PLOD1: variants seen among roughly 807,000 people sequenced by gnomAD.
PLOD1 encodes procollagen-lysine,2-oxoglutarate 5-dioxygenase 1.
In PLOD1, 70 loss-of-function variants were observed where a neutral mutation model predicts 94.7. The ratio of observed to expected loss-of-function variants is 0.74; its 90% CI spans 0.61 to 0.90. The LOEUF is 0.90. Among genes scored for constraint, PLOD1 ranks in the 40% least tolerant of loss-of-function variants. The probability of loss-of-function intolerance (pLI) is 0.00; values close to 1 mark genes in which losing one functional copy is unlikely to be tolerated. For missense variants in PLOD1, 905 were observed against 972.7 expected, an observed-to-expected ratio of 0.93 and a Z score of 0.93; for synonymous variants, 417 against 400.2, an observed-to-expected ratio of 1.04 and a Z score of -0.50.
At chr1:11,962,274 CTT>C (rs780613164) in intron 10 of PLOD1, among the ~76,000 whole-genome samples, 2 of 99,084 alleles carry the variant, frequency 2.0e-5, no homozygotes, top group Admixed American at 2.3e-4. Context: ...TTTTTGTTTT[CTT>C]TTTTTTTTTT....
At chr1:11,964,524 T>C in intron 12 of PLOD1, 120 bp from the exon 13 acceptor site, 2 of 1,043,314 alleles carry the variant, frequency 1.9e-6, no homozygotes, top group Non-Finnish European at 3.0e-6. Context: ...CCCCCTAGCC[T>C]GTGACTTCCC....
chr1:11,966,845 CTCAG>C, intron 15 of PLOD1, 138 bp from the exon 16 acceptor site: 2 of 696,322 alleles, frequency 2.9e-6, no homozygotes, highest in South Asian at 3.2e-5. Context: ...CTCCTCCCCA[CTCAG>C]TCTCTCCAGG....
At chr1:11,949,973 G>A (rs1645687888) in intron 3 of PLOD1, 67 bp downstream of exon 3, 3 of 1,537,824 alleles carry the variant, frequency 2.0e-6, no homozygotes, top group Non-Finnish European at 2.7e-6. Context: ...CTAAAATGAG[G>A]CCCTCCCAGA....
chr1:11,970,591 G>A, intron 16 of PLOD1, 79 bp from the exon 17 acceptor site: 2 of 1,347,602 alleles, frequency 1.5e-6, no homozygotes, highest in South Asian at 2.4e-5. Context: ...TCACATTCCC[G>A]GGTGTAGGAG....
At chr1:11,944,981 C>T (rs1173381469) in intron 1 of PLOD1, among the ~76,000 whole-genome samples, 1 of 152,198 alleles carries the variant, frequency 6.6e-6, no homozygotes, top group African/African-American at 2.4e-5. Context: ...TAAGACTCAC[C>T]CAGGGAAACA....
At chr1:11,970,959 G>A in intron 17 of PLOD1, 143 bp downstream of exon 17, 1 of 428,356 alleles carries the variant, frequency 2.3e-6, no homozygotes, top group South Asian at 1.9e-5. Context: ...AGCGTGGGAG[G>A]GGCAAGGGTG....
Position 11,970,709 on chromosome 1 carries a change from A to G in PLOD1, c.1795A>G (p.Ile599Val). ...IQGGYENVPT[I>V]DIHMNQIGFE... The stretch of plus-strand genomic sequence containing the variant: ...GGGTGGCTACGAGAACGTGCCGACT[A>G]TTGACATCCACATGAACCAGATCGG... Residue 599 changes from isoleucine (I) to valine (V), a missense_variant, in exon 17 of 19, where the codon ATT becomes GTT. Physicochemically the swap from Ile to Val is conservative, Grantham distance 29. Coordinates refer to ENST00000196061, the MANE Select transcript of PLOD1 (RefSeq NM_000302.4). 1 of 1,613,054 alleles carries G rather than the reference A, an allele frequency of 6.2e-7. No homozygotes were observed. Among genetic ancestry groups the G allele is most frequent in the Non-Finnish European group, 8.5e-7 (1 of 1,179,898 alleles).
chr1:11,939,565 C>T (rs959244027), intron 1 of PLOD1, among the ~76,000 whole-genome samples: 27 of 152,110 alleles, frequency 1.8e-4, no homozygotes, highest in African/African-American at 6.0e-4. Context: ...TCATCACATA[C>T]GCACACCCCA....
At position 11,964,185 on chromosome 1, in the gene PLOD1, G is replaced by T. The variant is rs1645799206; in HGVS notation, c.1213G>T (p.Ala405Ser). The T allele has an allele frequency of 3.1e-6, 5 of 1,613,780 alleles. No individual in the cohort carries two copies. Among genetic ancestry groups the T allele is most frequent in the Admixed American group, 3.3e-5 (2 of 59,986 alleles). ...GCTCCCTTCCCTCAGGAACGTCATT[G>T]CCCCGCTGATGACCCGGCATGGGAG... ...LLIQQNKNVI[A>S]PLMTRHGRLW... The change falls in exon 12 of 19, where the codon GCC becomes TCC. Residue 405 changes from alanine (A) to serine (S), a missense_variant. Coordinates refer to ENST00000196061, the MANE Select transcript of PLOD1 (RefSeq NM_000302.4).
At position 11,973,016 on chromosome 1, in the gene PLOD1, G is replaced by A; in HGVS notation, c.2028+19G>A. 6.2e-7 allele frequency: 1 copy of A among 1,613,642 alleles called. No individual in the cohort carries two copies. Among genetic ancestry groups the A allele is most frequent in the Non-Finnish European group, 8.5e-7 (1 of 1,179,728 alleles). On this transcript the variant is annotated intron_variant, in intron 18 of 18. Coordinates refer to ENST00000196061, the MANE Select transcript of PLOD1 (RefSeq NM_000302.4). ...TTACGAGGTGAGCAGGAGCCAGCCG[G>A]GGTCAAGGGGCCGGCAATGGGGATG...
At chr1:11,956,782 G>A (rs1422623359) in intron 6 of PLOD1, 135 bp from the exon 7 acceptor site, 1 of 732,596 alleles carries the variant, frequency 1.4e-6, no homozygotes, top group Non-Finnish European at 2.5e-6. Flanking sequence ...TGAGGAAACT[G>A]AGGCTTAGAG....
intron 12 of PLOD1, 137 bp from the exon 13 acceptor site, chr1:11,964,507 A>C (rs896596573): frequency 1.1e-6 from 1 of 948,534 alleles, no homozygotes; most frequent in East Asian, 2.4e-5. Context: ...AATCAGCACA[A>C]TTGTGCCCCC....
intron 13 of PLOD1, among the ~76,000 whole-genome samples, chr1:11,965,045 G>A (rs148932129): frequency 1.3e-5 from 2 of 152,014 alleles, no homozygotes; most frequent in South Asian, 4.2e-4. Flanking sequence ...TACATTTTTG[G>A]AATAGCCCAA....
intron 2 of PLOD1, among the ~76,000 whole-genome samples, chr1:11,948,489 C>G (rs777518580): frequency 6.6e-6 from 1 of 152,146 alleles, no homozygotes; most frequent in Non-Finnish European, 1.5e-5. Context: ...ATTCCCAGCA[C>G]TTTGGGAGTC....
chr1:11,966,607 C>G (rs1442845305), intron 15 of PLOD1, among the ~76,000 whole-genome samples: 1 of 152,024 alleles, frequency 6.6e-6, no homozygotes, highest in African/African-American at 2.4e-5. Context: ...GCCTCTCTAC[C>G]TGGCCCAGGC....
At position 11,972,770 on chromosome 1, in the gene PLOD1, C is replaced by A; in HGVS notation, c.1903-102C>A. 7.4e-7 allele frequency: 1 copy of A among 1,354,120 alleles called. No individual in the cohort carries two copies. Among genetic ancestry groups the A allele is most frequent in the Non-Finnish European group, 1.1e-6 (1 of 945,614 alleles). The allele number at this position is 1,354,120 out of a possible 1,614,324, so 83.9% of individuals were successfully genotyped here. A position where few individuals can be genotyped will look rare whatever the true frequency, so the allele number is the denominator to read the frequency against. ...GTAGACCTGGCCCCTGTAAGCTGAC[C>A]TGCAGCAGGCCAGACCAGGCCCCAT... On this transcript the variant is annotated intron_variant, in intron 17 of 18. Transcript: ENST00000196061. This position sits in a 1 kb window ranked among gnomAD's most constrained non-coding sequence, Gnocchi z 4.6.
Position 11,958,838 on chromosome 1 carries a change from G to A in PLOD1, c.975+191G>A, listed in dbSNP as rs773991200. 8.5e-5 allele frequency among the ~76,000 whole-genome samples: 13 copies of A among 152,118 alleles called. No individual in the cohort carries two copies. The highest frequency in any genetic ancestry group is 8.8e-5 in the Non-Finnish European group (6 of 68,026). On this transcript the variant is annotated intron_variant, in intron 9 of 18. Coordinates refer to ENST00000196061, the MANE Select transcript of PLOD1 (RefSeq NM_000302.4). The surrounding 1 kb of genome is among the most constrained non-coding windows in gnomAD (Gnocchi z 4.3). Reference sequence around the variant, plus strand: ...AGACTGGGTGAGTTTGAATCCCAGCGCCGCTATTTTATTGGCTGTGTGACC... The same window carrying A: ...AGACTGGGTGAGTTTGAATCCCAGCACCGCTATTTTATTGGCTGTGTGACC...
chr1:11,943,916 G>A (rs1179561123), intron 1 of PLOD1, among the ~76,000 whole-genome samples: 1 of 152,124 alleles, frequency 6.6e-6, no homozygotes, highest in Non-Finnish European at 1.5e-5. Flanking sequence ...TGGAAAGTCG[G>A]GGGTTAGTAT....
Position 11,948,023 on chromosome 1 carries a change from C to T in PLOD1, c.124C>T (p.Arg42Cys), listed in dbSNP as rs202003686. Residue 42 changes from arginine to cysteine, a missense_variant, in exon 2 of 19, where the codon CGT becomes TGT. Arg to Cys is a radical substitution (Grantham distance 180). Coordinates refer to ENST00000196061, the MANE Select transcript of PLOD1 (RefSeq NM_000302.4). ...TVATKETEGF[R>C]RFKRSAQFFN... ...GGCCACTAAGGAGACCGAGGGATTC[C>T]GTCGCTTCAAGCGCTCAGCTCAGTT... The T allele has an allele frequency of 2.2e-4, 362 of 1,613,832 alleles. No individual in the cohort carries two copies. Among genetic ancestry groups the T allele is most frequent in the Non-Finnish European group, 2.9e-4 (340 of 1,179,844 alleles).
Sources: gnomAD v4.1 joint callset for allele counts (sites outside exome capture counted in the v4.1 genomes callset) on GRCh38, gnomAD v4.1.1 for gene constraint, Gnocchi (gnomAD v3.1) non-coding constraint, MANE v1.5 for transcripts, NCBI Gene and HGNC (gene_info 2026-07-23, HGNC 2026-07-21) for gene names.